The following EIF2AK4 variants were observed in gnomAD, a reference collection of about 807,000 sequenced individuals.
EIF2AK4 encodes eukaryotic translation initiation factor 2 alpha kinase 4, also known as eIF-2-alpha kinase GCN2.
In EIF2AK4, 139 loss-of-function variants were observed where a neutral mutation model predicts 211.1. The observed-to-expected ratio is 0.66, with a 90% CI of 0.57 to 0.76. EIF2AK4 has a LOEUF of 0.76. Ranked by LOEUF, EIF2AK4 falls within the 30% of genes least tolerant of loss-of-function variation. The pLI is 0.00. For missense variants in EIF2AK4, 1,664 were observed against 2,043.8 expected (o/e 0.81, Z 3.58); for synonymous variants, 710 against 751.3 (o/e 0.94, Z 0.90).
rs534544185 is a variant in EIF2AK4 at position 40,009,645 on chromosome 15, C to G, written c.3608C>G (p.Thr1203Ser). The change falls in exon 26 of 39, where the codon ACC becomes AGC. Residue 1203 changes from threonine to serine, a missense_variant. Physicochemically the swap from Thr to Ser is moderately conservative, Grantham distance 58. Around this residue, in one of 7 missense-constraint regions of EIF2AK4, gnomAD observed 622 missense variants for 796.8 expected, o/e 0.78. Coordinates refer to ENST00000263791, the MANE Select transcript of EIF2AK4 (RefSeq NM_001013703.4). ...AATTACAGTATTTATTTGAACCATA[C>G]CATGTTATTGAAAGCAATACTCTTA... ...ERNYSIYLNH[T>S]MLLKAILLHC... is the part of the protein sequence containing the mutation. 19 of 1,604,734 alleles carry G rather than the reference C, an allele frequency of 1.2e-5. No homozygotes were observed. Among genetic ancestry groups the G allele is most frequent in the Admixed American group, 5.1e-5 (3 of 58,396 alleles).
chr15:39,996,636 A>G (rs1476008740), intron 18 of EIF2AK4, among the ~76,000 whole-genome samples: 1 of 152,182 alleles, frequency 6.6e-6, no homozygotes, highest in African/African-American at 2.4e-5. Context: ...GCTTGAGCCC[A>G]GGAGGCAGAG....
At chr15:40,017,543 A>T in intron 29 of EIF2AK4, among the ~76,000 whole-genome samples, 1 of 41,694 alleles carries the variant, frequency 2.4e-5, no homozygotes, top group Non-Finnish European at 5.4e-5. Flanking sequence ...ATATATATAT[A>T]TATATATATA....
At chr15:40,018,599 G>A (rs1034449843) in intron 29 of EIF2AK4, among the ~76,000 whole-genome samples, 7 of 152,060 alleles carry the variant, frequency 4.6e-5, no homozygotes, top group Non-Finnish European at 8.8e-5. Context: ...TGGGATTGCG[G>A]GTGTGAGCCA....
chr15:39,949,225 A>C lies in EIF2AK4; in HGVS notation c.470A>C (p.Glu157Ala), dbSNP rs1479664573. 1 of 1,613,880 alleles carries C rather than the reference A, an allele frequency of 6.2e-7. No homozygotes were observed. The highest frequency in any genetic ancestry group is 1.3e-5 in the African/African-American group (1 of 74,846). Residue 157 changes from glutamate to alanine, a missense_variant, in exon 4 of 39, where the codon GAG becomes GCG. Physicochemically the swap from Glu to Ala is moderately radical, Grantham distance 107 (BLOSUM62 -1). This residue lies in a region of EIF2AK4 where 641 missense variants were observed against 729.6 expected (regional missense o/e 0.88). Coordinates refer to ENST00000263791, the MANE Select transcript of EIF2AK4 (RefSeq NM_001013703.4). ...ATGCTGGAAAGGCGGGCTCAGGAGG[A>C]GCAGCAGAGGCTGTTGGAGGCCAAG... ...EEMLERRAQEEQQRLLEAKRK... is the reference protein window; with the variant it reads ...EEMLERRAQEAQQRLLEAKRK...
intron 1 of EIF2AK4, among the ~76,000 whole-genome samples, chr15:39,935,811 C>T (rs892485848): frequency 1.3e-5 from 2 of 152,176 alleles, no homozygotes; most frequent in Non-Finnish European, 2.9e-5. Context: ...GTGGGCAAAA[C>T]AGACAAAAAT....
chr15:39,994,228 A>G (rs2034988809), intron 18 of EIF2AK4, among the ~76,000 whole-genome samples: 2 of 152,352 alleles, frequency 1.3e-5, no homozygotes, highest in South Asian at 4.1e-4. Flanking sequence ...TCAGAAGGAT[A>G]AATTTGAAAT....
intron 8 of EIF2AK4, 147 bp downstream of exon 8, chr15:39,965,990 C>A: frequency 1.8e-6 from 2 of 1,106,402 alleles, no homozygotes; most frequent in Non-Finnish European, 2.5e-6. Flanking sequence ...CAGTGAAGGA[C>A]CAGTACCTCT....
Position 39,949,146 on chromosome 15 carries a change from C to T in EIF2AK4, c.391C>T (p.Gln131Ter). The change falls in exon 4 of 39, where the codon CAG becomes TAG. Residue 131 changes from glutamine (Q) to a stop codon, truncating the protein, a stop_gained. Coordinates refer to ENST00000263791, the MANE Select transcript of EIF2AK4 (RefSeq NM_001013703.4). LOFTEE classifies it high-confidence loss of function. ...VMIFELAYHV[Q>*]SFLSEHNKPP... The stretch of plus-strand genomic sequence containing the variant: ...GATCTTTGAACTGGCTTACCACGTG[C>T]AGTCATTTCTCAGCGAGCATAACAA... The T allele has an allele frequency of 6.2e-7, 1 of 1,614,026 alleles. No individual in the cohort carries two copies. Among genetic ancestry groups the T allele is most frequent in the African/African-American group, 1.3e-5 (1 of 74,986 alleles).
Position 40,003,232 on chromosome 15 carries a change from A to G in EIF2AK4, c.3275A>G (p.Asn1092Ser), listed in dbSNP as rs1310057025. 1 of 1,614,040 alleles carries G rather than the reference A, an allele frequency of 6.2e-7. No individual in the cohort carries two copies. Among genetic ancestry groups the G allele is most frequent in the Non-Finnish European group, 8.5e-7 (1 of 1,180,024 alleles). The change falls in exon 23 of 39, where the codon AAC becomes AGC. Residue 1092 changes from asparagine (N) to serine (S), a missense_variant. By Grantham distance (46) the Asn-to-Ser change is conservative. This residue lies in a region of EIF2AK4 where 622 missense variants were observed against 796.8 expected (regional missense o/e 0.78). Transcript: ENST00000263791. ...QLCTPLLLPR[N>S]RQIYEHNEAA... Reference sequence around the variant, plus strand: ...TGTACTCCACTACTGCTTCCCCGAAACAGACAAATATATGAGCACAACGAA... The same window carrying G: ...TGTACTCCACTACTGCTTCCCCGAAGCAGACAAATATATGAGCACAACGAA...
At chr15:39,990,221 A>G (rs760101197) in intron 15 of EIF2AK4, 52 bp from the exon 16 acceptor site, 14 of 1,565,118 alleles carry the variant, frequency 8.9e-6, no homozygotes, top group Non-Finnish European at 1.1e-5. Context: ...GGAAGTAGGT[A>G]TAACTTTATG....
At chr15:39,991,214 G>C (rs941852029) in intron 16 of EIF2AK4, 17 of 152,624 alleles carry the variant, frequency 1.1e-4, no homozygotes, top group African/African-American at 3.9e-4. Context: ...GTGAGACTAG[G>C]AGTGGAAAGG....
chr15:39,940,719 C>A (rs910204949), intron 2 of EIF2AK4, among the ~76,000 whole-genome samples: 1 of 151,902 alleles, frequency 6.6e-6, no homozygotes, highest in Non-Finnish European at 1.5e-5. Flanking sequence ...ATACATGATG[C>A]CTTTTCTGAT....
chr15:39,957,779 CTG>C (rs745852348), intron 6 of EIF2AK4, among the ~76,000 whole-genome samples: 13 of 152,284 alleles, frequency 8.5e-5, no homozygotes, highest in Non-Finnish European at 1.6e-4. Flanking sequence ...AAGTGGGACA[CTG>C]TGTTTCTGGT....
chr15:39,954,540 C>T (rs2034363713), intron 5 of EIF2AK4, among the ~76,000 whole-genome samples: 1 of 152,196 alleles, frequency 6.6e-6, no homozygotes, highest in African/African-American at 2.4e-5. Context: ...AGGCGTGAGC[C>T]ACTGCACCTG....
At position 39,972,916 on chromosome 15, in the gene EIF2AK4, G is replaced by T; in HGVS notation, c.1562G>T (p.Cys521Phe). 6.2e-7 allele frequency: 1 copy of T among 1,613,940 alleles called. No individual in the cohort carries two copies. Residue 521 changes from cysteine to phenylalanine, a missense_variant, in exon 10 of 39, where the codon TGC becomes TTC. By Grantham distance (205) the Cys-to-Phe change is radical. Transcript: ENST00000263791. Reference protein sequence around the residue: ...DFQDFLKKCVCLDDKERWSPQ... With the variant: ...DFQDFLKKCVFLDDKERWSPQ... ...CCTTCCCTCTCACCGAGATGTGTGT[G>T]CTTGGATGACAAGGAAAGATGGAGT...
chr15:40,003,430 T>C lies in EIF2AK4; in HGVS notation c.3357+116T>C, dbSNP rs1257676634. The C allele has an allele frequency of 2.7e-6, 4 of 1,462,154 alleles. No homozygotes were observed. The East Asian group carries it at 9.3e-5, about 34-fold the overall frequency. 90.6% of individuals were successfully genotyped at this position (1,462,154 alleles called of 1,614,324 possible). On this transcript the variant is annotated intron_variant, in intron 23 of 38. Transcript: ENST00000263791. ...TATTATAAATGTCACCTTTGGGAAA[T>C]GTATTCTTGAGGAAGTTGTCAGAGT...
In EIF2AK4 at chr15:40,004,814, C is replaced by G. The variant is rs73388583; in HGVS notation, c.3357+1500C>G. ...AAGCAGATCCTTCTGCCTCAGCCTC[C>G]CAAAATACTGGAATTACAGGCATGA... On this transcript the variant is annotated intron_variant, in intron 23 of 38. Coordinates refer to ENST00000263791, the MANE Select transcript of EIF2AK4 (RefSeq NM_001013703.4). Among the ~76,000 whole-genome samples, 887 of 152,272 alleles carry G rather than the reference C, an allele frequency of 5.8e-3. 12 individuals are homozygous for G. Among genetic ancestry groups the G allele is most frequent in the African/African-American group, 0.02 (823 of 41,550 alleles).
At chr15:39,992,722 G>GT in intron 17 of EIF2AK4, 47 bp from the exon 18 acceptor site, 1 of 1,534,778 alleles carries the variant, frequency 6.5e-7, no homozygotes, top group Non-Finnish European at 9.0e-7. Context: ...TGTGTCTTCT[G>GT]TAAGTGCTAT....
rs1040349816 is a variant in EIF2AK4 at position 39,987,878 on chromosome 15, A to T, written c.2404-105A>T. ...CCAAGTCTTTCCCCTAACCGTTTAA[A>T]ACCCATGGTACACGTTTTAAAATGG... is the stretch of plus-strand genomic sequence containing the variant. On this transcript the variant is annotated intron_variant, in intron 14 of 38. Transcript: ENST00000263791. The T allele has an allele frequency of 4.5e-5, 60 of 1,335,764 alleles. No homozygotes were observed. In the Admixed American group the frequency reaches 5.2e-4, roughly 12 times the overall value. The allele number at this position is 1,335,764 out of a possible 1,614,324, so 82.7% of individuals were successfully genotyped here. A position where few individuals can be genotyped will look rare whatever the true frequency, so the allele number is the denominator to read the frequency against.
Sources: allele counts gnomAD v4.1 joint callset (sites outside exome capture counted in the v4.1 genomes callset), GRCh38; gene constraint gnomAD v4.1.1; regional missense constraint gnomAD v4.1.1; transcripts MANE v1.5; gene names NCBI Gene and HGNC (gene_info 2026-07-23, HGNC 2026-07-21).